Variants in UBE2E1 observed in about 807,000 individuals in gnomAD.
UBE2E1 encodes ubiquitin conjugating enzyme E2 E1.
UBE2E1 carries 6 observed loss-of-function variants against 21.4 expected under a neutral mutation model. That is an observed-to-expected ratio of 0.28 (90% CI 0.15 to 0.55). The LOEUF is 0.55. Among genes scored for constraint, UBE2E1 ranks in the 20% least tolerant of loss-of-function variants. The pLI is 0.93. For missense variants in UBE2E1, 142 were observed against 236.5 expected (o/e 0.60, Z 2.62); for synonymous variants, 87 against 82.7 (o/e 1.05, Z -0.28).
intron 1 of UBE2E1, 40 bp from the exon 2 acceptor site, chr3:23,807,197 A>T: frequency 6.6e-7 from 1 of 1,507,238 alleles, no homozygotes; most frequent in Non-Finnish European, 8.9e-7. Flanking sequence ...CACTGGCTGC[A>T]TGGTTTGTGT....
intron 3 of UBE2E1, among the ~76,000 whole-genome samples, chr3:23,847,118 C>T (rs545257029): frequency 1.3e-5 from 2 of 152,158 alleles, no homozygotes; most frequent in African/African-American, 2.4e-5. Flanking sequence ...GACTTATTTT[C>T]CCTTTGGTTC....
rs1370940011 is a variant in UBE2E1 at position 23,861,986 on chromosome 3, T to C, written c.204-25581T>C. On this transcript the variant is annotated intron_variant, in intron 3 of 5. Coordinates refer to ENST00000306627, the MANE Select transcript of UBE2E1 (RefSeq NM_003341.5). Reference sequence around the variant, plus strand: ...TTAACAGAAGCCGCCTATGGACGGCTAAACTAAAAGAGCATCCTGTAACAT... The same window carrying C: ...TTAACAGAAGCCGCCTATGGACGGCCAAACTAAAAGAGCATCCTGTAACAT... Among the ~76,000 whole-genome samples the C allele has an allele frequency of 2.6e-5, 4 of 152,232 alleles. No individual in the cohort carries two copies. In the East Asian group the frequency reaches 7.7e-4, roughly 29 times the overall value.
chr3:23,859,446 T>C (rs55712541), intron 3 of UBE2E1, among the ~76,000 whole-genome samples: 2,422 of 152,324 alleles, frequency 0.016, 32 homozygotes, highest in South Asian at 0.046. Flanking sequence ...CTTGTGACTT[T>C]GATATCCATG....
rs576906478 is a variant in UBE2E1 at position 23,878,693 on chromosome 3, C to T, written c.204-8874C>T. ...CTGCTCATGTGAGGGATCTAGGTTG[C>T]GTGCTCCTTATGAGAATCTAATGCC... On this transcript the variant is annotated intron_variant, in intron 3 of 5. Transcript: ENST00000306627. 7.2e-5 allele frequency among the ~76,000 whole-genome samples: 11 copies of T among 152,332 alleles called. No individual in the cohort carries two copies. The East Asian group carries it at 7.7e-4, about 11-fold the overall frequency.
chr3:23,838,001 A>C (rs941709646), intron 3 of UBE2E1, among the ~76,000 whole-genome samples: 2 of 147,290 alleles, frequency 1.4e-5, no homozygotes, highest in African/African-American at 2.5e-5. Flanking sequence ...GTTAGTATCT[A>C]ATAAGTGATA....
Position 23,807,228 on chromosome 3 carries a change from C to T in UBE2E1, c.-33-9C>T. ...TGTGTGTTTCTGTTTTGTTTCTCTC[C>T]CCCTGCAGGGGCTGTTTGCGGGGTG... is the stretch of plus-strand genomic sequence containing the variant. On this transcript the variant is annotated splice_polypyrimidine_tract_variant and intron_variant, in intron 1 of 5. Coordinates refer to ENST00000306627, the MANE Select transcript of UBE2E1 (RefSeq NM_003341.5). 3 of 1,589,190 alleles carry T rather than the reference C, an allele frequency of 1.9e-6. No individual in the cohort carries two copies. Among genetic ancestry groups the T allele is most frequent in the Middle Eastern group, 1.7e-4 (1 of 5,876 alleles).
rs185812370 is a variant in UBE2E1, at chr3:23,827,243, A to G, written c.203+15733A>G. Among the ~76,000 whole-genome samples the G allele has an allele frequency of 8.5e-5, 13 of 152,350 alleles. No individual in the cohort carries two copies. In the East Asian group the frequency reaches 2.5e-3, roughly 29 times the overall value. ...TTTTGCTTTGGGGTGAATTTTGGTA[A>G]TTCTAAAATGATATGAATGCATGAA... On this transcript the variant is annotated intron_variant, in intron 3 of 5. Coordinates refer to ENST00000306627, the MANE Select transcript of UBE2E1 (RefSeq NM_003341.5).
rs1193058882 is a variant in UBE2E1, at chr3:23,807,000, G to A, written c.-33-237G>A. The A allele has an allele frequency of 9.7e-6, 3 of 308,978 alleles. No homozygotes were observed. The highest frequency in any genetic ancestry group is 4.3e-5 in the African/African-American group (2 of 46,460). The allele number at this position is 308,978 out of a possible 1,614,324, so 19.1% of individuals were successfully genotyped here. A position where few individuals can be genotyped will look rare whatever the true frequency, so the allele number is the denominator to read the frequency against. ...GAGAGCCCCGGGGGGCGAGGGAGGG[G>A]CCTCTCTCCTAGCTCCAGACCGTTT... On this transcript the variant is annotated intron_variant, in intron 1 of 5. Transcript: ENST00000306627. The surrounding 1 kb of genome is among the most constrained non-coding windows in gnomAD (Gnocchi z 6.5).
intron 3 of UBE2E1, among the ~76,000 whole-genome samples, chr3:23,855,595 C>T (rs374896463): frequency 7.2e-5 from 11 of 152,096 alleles, no homozygotes; most frequent in South Asian, 6.2e-4. Flanking sequence ...TTTGGGAGGC[C>T]GAGGTGGGCG....
chr3:23,817,110 G>A (rs901741944), intron 3 of UBE2E1, among the ~76,000 whole-genome samples: 1 of 152,122 alleles, frequency 6.6e-6, no homozygotes, highest in Admixed American at 6.5e-5. Context: ...GGGGATTCTT[G>A]TTAAATTCCT....
At position 23,808,153 on chromosome 3, in the gene UBE2E1, T is replaced by A. The variant is rs1431714567; in HGVS notation, c.152+732T>A. ...ATTTTTTCAATTTAAGTGGTCTCCC[T>A]TTTACTTTATTCTTTTCCTCTTAAG... On this transcript the variant is annotated intron_variant, in intron 2 of 5. Coordinates refer to ENST00000306627, the MANE Select transcript of UBE2E1 (RefSeq NM_003341.5). The surrounding 1 kb of genome is among the most constrained non-coding windows in gnomAD (Gnocchi z 4.9). Among the ~76,000 whole-genome samples the A allele has an allele frequency of 6.6e-6, 1 of 152,196 alleles. No individual in the cohort carries two copies. Among genetic ancestry groups the A allele is most frequent in the Non-Finnish European group, 1.5e-5 (1 of 68,034 alleles).
rs1027325679 is a variant in UBE2E1 at position 23,816,762 on chromosome 3, A to G, written c.203+5252A>G. On this transcript the variant is annotated intron_variant, in intron 3 of 5. Coordinates refer to ENST00000306627, the MANE Select transcript of UBE2E1 (RefSeq NM_003341.5). The surrounding 1 kb of genome is among the most constrained non-coding windows in gnomAD (Gnocchi z 4.8). ...CTAGAACCAAAAAGACAAATAGCGT[A>G]TGATTCCACTTACATGAAATACCTA... Among the ~76,000 whole-genome samples the G allele has an allele frequency of 1.3e-5, 2 of 152,212 alleles. No homozygotes were observed. Among genetic ancestry groups the G allele is most frequent in the Non-Finnish European group, 2.9e-5 (2 of 68,034 alleles).
chr3:23,888,502 C>T (rs1268349485), intron 4 of UBE2E1, among the ~76,000 whole-genome samples: 1 of 152,136 alleles, frequency 6.6e-6, no homozygotes, highest in Admixed American at 6.5e-5. Context: ...GCTTATGTGA[C>T]TTGTGTTCTG....
chr3:23,843,240 T>C (rs1442189577), intron 3 of UBE2E1, among the ~76,000 whole-genome samples: 3 of 152,184 alleles, frequency 2.0e-5, no homozygotes, highest in African/African-American at 7.2e-5. Context: ...ACTTAGTTTG[T>C]ATAATCGAGG....
rs375015607 is a variant in UBE2E1, at chr3:23,887,041, C to T, written c.204-526C>T. On this transcript the variant is annotated intron_variant, in intron 3 of 5. Coordinates refer to ENST00000306627, the MANE Select transcript of UBE2E1 (RefSeq NM_003341.5). The surrounding 1 kb of genome is among the most constrained non-coding windows in gnomAD (Gnocchi z 4.4). ...TGAATAACCTGTAACTGGATACTTA[C>T]CATTCTCCTCCCACCTAACATGGAC... Among the ~76,000 whole-genome samples, 1 of 152,188 alleles carries T rather than the reference C, an allele frequency of 6.6e-6. No individual in the cohort carries two copies. The highest frequency in any genetic ancestry group is 1.9e-4 in the East Asian group (1 of 5,194).
intron 3 of UBE2E1, among the ~76,000 whole-genome samples, chr3:23,866,952 G>A (rs1011215616): frequency 5.3e-5 from 8 of 152,020 alleles, no homozygotes; most frequent in African/African-American, 1.2e-4. Flanking sequence ...AAGCTTCATG[G>A]GTGTAGTAAA....
chr3:23,860,329 G>A (rs113410865), intron 3 of UBE2E1, among the ~76,000 whole-genome samples: 282 of 152,246 alleles, frequency 1.9e-3, no homozygotes, highest in Admixed American at 2.2e-3. Flanking sequence ...AATCTTTAGC[G>A]CTCTGGTTTT....
chr3:23,890,328 C>A (rs558513128), intron 5 of UBE2E1, among the ~76,000 whole-genome samples, 181 bp from the exon 6 acceptor site: 1 of 152,278 alleles, frequency 6.6e-6, no homozygotes, highest in East Asian at 1.9e-4. Context: ...TCCCTCTTCC[C>A]CCAACGTTAT....
intron 3 of UBE2E1, among the ~76,000 whole-genome samples, chr3:23,844,469 T>C (rs36013012): frequency 0.36 from 55,241 of 152,062 alleles, 10,641 homozygotes; most frequent in Middle Eastern, 0.53. Context: ...TTTTATCTTA[T>C]AGAAGACCAG....
Sources: allele counts gnomAD v4.1 joint callset (sites outside exome capture counted in the v4.1 genomes callset), GRCh38; gene constraint gnomAD v4.1.1; non-coding constraint Gnocchi (gnomAD v3.1); transcripts MANE v1.5; gene names NCBI Gene and HGNC (gene_info 2026-07-23, HGNC 2026-07-21).